Variants in FRMD4A observed in about 807,000 individuals in gnomAD.
FRMD4A encodes the protein FERM domain containing 4A.
Under a neutral mutation model 129.1 loss-of-function variants are expected in FRMD4A, and 29 were observed. That is an observed-to-expected ratio of 0.22 (90% confidence interval 0.17 to 0.31). FRMD4A has a LOEUF of 0.31. FRMD4A is among the 10% of genes least tolerant of loss of function. FRMD4A has a pLI of 1.00. For synonymous variants in FRMD4A, 634 were observed against 571.6 expected, an observed-to-expected ratio of 1.11 and a Z score of -1.56; for missense variants, 1,272 against 1,375.8, an observed-to-expected ratio of 0.92 and a Z score of 1.19.
At chr10:14,097,062 G>A (rs1430990691) in intron 2 of FRMD4A, 1 of 144,546 alleles carries the variant, frequency 6.9e-6, no homozygotes, top group East Asian at 2.1e-4. Context: ...TTGAACCCGG[G>A]AAGCAGAGAT....
At chr10:13,768,277 A>C (rs1292971558) in intron 6 of FRMD4A, among the ~76,000 whole-genome samples, 1 of 152,166 alleles carries the variant, frequency 6.6e-6, no homozygotes, top group Non-Finnish European at 1.5e-5. Context: ...AGTGTTTCTA[A>C]CAAGTGGGCC....
chr10:13,807,946 A>T (rs60104135), intron 4 of FRMD4A, among the ~76,000 whole-genome samples: 2,536 of 152,188 alleles, frequency 0.017, 57 homozygotes, highest in African/African-American at 0.055. Context: ...TTATGGGCAC[A>T]TGCCACCATG....
rs575996478 is a variant in FRMD4A at position 13,652,167 on chromosome 10, T to C, written c.3051-193A>G. On this transcript the variant is annotated intron_variant, in intron 23 of 24. Coordinates refer to ENST00000357447, the MANE Select transcript of FRMD4A (RefSeq NM_018027.5). ...CATAATTGAGTCAAAATACCTAGTT[T>C]GTTAGGAGGGACGGGCCCTCTTTTA... 11 of 604,120 alleles carry C rather than the reference T, an allele frequency of 1.8e-5. No individual in the cohort carries two copies. In the South Asian group the frequency reaches 2.2e-4, roughly 12 times the overall value. 37.4% of individuals were successfully genotyped at this position (604,120 alleles called of 1,614,324 possible).
At chr10:13,715,389 C>T (rs1185882700) in intron 12 of FRMD4A, among the ~76,000 whole-genome samples, 3 of 152,178 alleles carry the variant, frequency 2.0e-5, no homozygotes, top group Non-Finnish European at 4.4e-5. Context: ...ACATTTCCTA[C>T]CGATGGGAGA....
intron 3 of FRMD4A, among the ~76,000 whole-genome samples, chr10:13,848,160 C>T (rs1343201795): frequency 6.6e-6 from 1 of 152,170 alleles, no homozygotes. Flanking sequence ...ATGTCCTATC[C>T]TGAGGCTCCC....
chr10:13,793,811 G>C (rs2093054931), intron 5 of FRMD4A, among the ~76,000 whole-genome samples: 1 of 152,194 alleles, frequency 6.6e-6, no homozygotes, highest in South Asian at 2.1e-4. Flanking sequence ...CAGATGTCAG[G>C]TTATAAATAG....
At chr10:13,846,488 T>C (rs752738890) in intron 3 of FRMD4A, among the ~76,000 whole-genome samples, 6 of 152,176 alleles carry the variant, frequency 3.9e-5, no homozygotes, top group Admixed American at 2.0e-4. Flanking sequence ...TGTGCTGATA[T>C]TGGACAAAGA....
intron 2 of FRMD4A, among the ~76,000 whole-genome samples, chr10:14,212,499 A>G (rs1842959497): frequency 6.6e-6 from 1 of 150,976 alleles, no homozygotes; most frequent in Non-Finnish European, 1.5e-5. Flanking sequence ...ACCGAATAAA[A>G]CTCCTTAGTC....
At chr10:14,103,546 C>A (rs7086843) in intron 2 of FRMD4A, among the ~76,000 whole-genome samples, 5 of 151,780 alleles carry the variant, frequency 3.3e-5, no homozygotes, top group African/African-American at 1.2e-4. Flanking sequence ...CTGTTTTTGT[C>A]GCAAAAGAGA....
intron 2 of FRMD4A, chr10:13,891,543 C>T: frequency 3.2e-6 from 3 of 934,354 alleles, no homozygotes; most frequent in Non-Finnish European, 3.8e-6. Context: ...TTTTCCCCGG[C>T]CCAGCGTGAA....
Position 13,742,498 on chromosome 10 carries a change from A to C in FRMD4A, c.549-1921T>G, listed in dbSNP as rs188609373. ...AGCTGATTCTAGGGGTGTACCCTCG[A>C]GATCTCAATAGAGGATCTTTATTAT... On this transcript the variant is annotated intron_variant, in intron 9 of 24. Coordinates refer to ENST00000357447, the MANE Select transcript of FRMD4A (RefSeq NM_018027.5). Among the ~76,000 whole-genome samples, 197 of 152,274 alleles carry C rather than the reference A, an allele frequency of 1.3e-3. 1 individual carries two copies. The highest frequency in any genetic ancestry group is 4.6e-3 in the African/African-American group (192 of 41,558).
chr10:13,974,301 G>C (rs2095533089), intron 2 of FRMD4A, among the ~76,000 whole-genome samples: 1 of 152,176 alleles, frequency 6.6e-6, no homozygotes, highest in Non-Finnish European at 1.5e-5. Context: ...AGAACAGCAA[G>C]ACCTACTCAA....
chr10:13,932,245 C>T (rs1440496763), intron 2 of FRMD4A, among the ~76,000 whole-genome samples: 1 of 152,174 alleles, frequency 6.6e-6, no homozygotes, highest in Non-Finnish European at 1.5e-5. Context: ...AGGTGCTCAA[C>T]AAATGTTTGT....
Position 13,788,138 on chromosome 10 carries a change from G to A in FRMD4A, c.300-5132C>T, listed in dbSNP as rs571504237. Among the ~76,000 whole-genome samples, 6 of 152,284 alleles carry A rather than the reference G, an allele frequency of 3.9e-5. No homozygotes were observed. The South Asian group carries it at 1.0e-3, about 26-fold the overall frequency. On this transcript the variant is annotated intron_variant, in intron 5 of 24. Coordinates refer to ENST00000357447, the MANE Select transcript of FRMD4A (RefSeq NM_018027.5). ...GGATGTCTGTGACCTTGCTGGGCCTGGAGGGACTGCTGGTGCCAGGGTTAG... is the reference window on the plus strand; with the variant it reads ...GGATGTCTGTGACCTTGCTGGGCCTAGAGGGACTGCTGGTGCCAGGGTTAG...
At chr10:13,697,932 G>C (rs10906452) in intron 14 of FRMD4A, among the ~76,000 whole-genome samples, 56,485 of 152,004 alleles carry the variant, frequency 0.37, 11,119 homozygotes, top group Middle Eastern at 0.48. Context: ...CAACGTTTCT[G>C]ATCTCTGGGG....
intron 2 of FRMD4A, among the ~76,000 whole-genome samples, chr10:14,174,866 A>AGTGTGT (rs1404095209): frequency 3.6e-5 from 5 of 139,524 alleles, no homozygotes; most frequent in Admixed American, 7.1e-5. Flanking sequence ...TAAAAAAAAA[A>AGTGTGT]GTGTGTGTGT....
At chr10:14,087,741 G>T (rs912681151) in intron 2 of FRMD4A, 3 of 152,226 alleles carry the variant, frequency 2.0e-5, no homozygotes, top group Non-Finnish European at 2.9e-5. Flanking sequence ...TTCAGGTGAT[G>T]TCATAAAGCC....
intron 2 of FRMD4A, among the ~76,000 whole-genome samples, chr10:14,249,373 CAAAT>C (rs1267596082): frequency 6.7e-6 from 1 of 148,524 alleles, no homozygotes; most frequent in Non-Finnish European, 1.5e-5. Context: ...AAGAAAGAAA[CAAAT>C]AGATATTGAA....
chr10:14,013,414 C>T (rs1000977549), intron 2 of FRMD4A, among the ~76,000 whole-genome samples: 1 of 152,142 alleles, frequency 6.6e-6, no homozygotes, highest in Non-Finnish European at 1.5e-5. Flanking sequence ...TTTGAAATCC[C>T]TCAATGACCT....
Sources: gnomAD v4.1 joint callset for allele counts (sites outside exome capture counted in the v4.1 genomes callset) on GRCh38, gnomAD v4.1.1 for gene constraint, MANE v1.5 for transcripts, NCBI Gene and HGNC (gene_info 2026-07-23, HGNC 2026-07-21) for gene names.